AP5Z1: variants seen among roughly 807,000 people sequenced by gnomAD.
The protein encoded by AP5Z1 is AP-5 complex subunit zeta-1.
AP5Z1 carries 106 observed loss-of-function variants against 83.0 expected under a neutral mutation model. That is an observed-to-expected ratio of 1.28 (90% CI 1.09 to 1.50). The LOEUF (loss-of-function observed/expected upper bound fraction) is 1.50, where lower values mean the gene tolerates loss of function less well. Ranked by LOEUF, AP5Z1 falls within the 40% of genes most tolerant of loss-of-function variation. The pLI is 0.00. For synonymous variants in AP5Z1, 751 were observed against 514.1 expected (o/e 1.46, Z -6.23); for missense variants, 1,565 against 1,094.2 (o/e 1.43, Z -6.07).
intron 13 of AP5Z1, among the ~76,000 whole-genome samples, chr7:4,789,438 C>T (rs907518926): frequency 1.2e-4 from 18 of 152,354 alleles, no homozygotes; most frequent in Non-Finnish European, 8.8e-5. Flanking sequence ...TGGTGCCCCC[C>T]ATCTCCCCCA....
rs750548587 is a variant in AP5Z1, at chr7:4,791,163, C to A, written c.2202C>A (p.Ala734=). ...TGAGGACCCTGGCTCACAGTCCAGC[C>A]ACCAGCTCCACGCACAGCGAGGAGG... The part of the protein sequence containing the change: ...SKMRTLAHSP[A]TSSTHSEEGA... The change falls in exon 17 of 17, where the codon GCC becomes GCA. Residue 734 remains alanine, a synonymous_variant. Coordinates refer to ENST00000649063, the MANE Select transcript of AP5Z1 (RefSeq NM_014855.3). The A allele has an allele frequency of 3.8e-5, 61 of 1,609,818 alleles. No homozygotes were observed. The Admixed American group carries it at 1.0e-3, about 27-fold the overall frequency.
At chr7:4,782,748 C>G (rs1344581321) in intron 3 of AP5Z1, among the ~76,000 whole-genome samples, 1 of 151,784 alleles carries the variant, frequency 6.6e-6, no homozygotes, top group East Asian at 1.9e-4. Flanking sequence ...TCCGGCTCTT[C>G]TTGTTTGTTT....
At position 4,787,709 on chromosome 7, in the gene AP5Z1, G is replaced by A; in HGVS notation, c.1387G>A (p.Ala463Thr). ...LLPALVDAGT[A>T]LEMLHALLDL... ...CCCGGCCCTGGTGGACGCTGGCACA[G>A]CCCTGGAGATGCTGCACGCGCTGCT... is the stretch of plus-strand genomic sequence containing the variant. Residue 463 changes from alanine to threonine, a missense_variant, in exon 11 of 17, where the codon GCC (alanine) becomes ACC (threonine). Transcript: ENST00000649063. 2.6e-6 allele frequency: 4 copies of A among 1,551,312 alleles called. No individual in the cohort carries two copies. The highest frequency in any genetic ancestry group is 3.5e-6 in the Non-Finnish European group (4 of 1,148,992).
In AP5Z1 at chr7:4,784,346, C is replaced by A; in HGVS notation, c.765C>A (p.Pro255=). 1 of 1,590,758 alleles carries A rather than the reference C, an allele frequency of 6.3e-7. No homozygotes were observed. The highest frequency in any genetic ancestry group is 8.5e-7 in the Non-Finnish European group (1 of 1,170,102). Residue 255 remains proline, a synonymous_variant, in exon 6 of 17, where the codon CCC becomes CCA. Transcript: ENST00000649063. Reference sequence around the variant, plus strand: ...GGGCGTGGCTGCTGCACAGCGGCCCCGAGGGCCCGGGCACCCTGGACACAG... The same window carrying A: ...GGGCGTGGCTGCTGCACAGCGGCCCAGAGGGCCCGGGCACCCTGGACACAG... ...MLRAWLLHSG[P]EGPGTLDTDD... is the part of the protein sequence containing the mutation.
In AP5Z1 at chr7:4,791,595, CACTGA is replaced by C; in HGVS notation, c.*211_*215del. 1 of 723,686 alleles carries C rather than the reference CACTGA, an allele frequency of 1.4e-6. No individual in the cohort carries two copies. The highest frequency in any genetic ancestry group is 2.2e-6 in the Non-Finnish European group (1 of 453,548). 44.8% of individuals were successfully genotyped at this position (723,686 alleles called of 1,614,324 possible). A position where few individuals can be genotyped will look rare whatever the true frequency, so the allele number is the denominator to read the frequency against. Reference sequence around the variant, plus strand: ...CTCCGAGCCTTTTGCTCCCAGGCAACACTGAGCTGAGCTGAGGGGTGCCATGGAGC... The same window carrying C: ...CTCCGAGCCTTTTGCTCCCAGGCAACGCTGAGCTGAGGGGTGCCATGGAGC... On this transcript the variant is annotated 3_prime_UTR_variant, in exon 17 of 17. Coordinates refer to ENST00000649063, the MANE Select transcript of AP5Z1 (RefSeq NM_014855.3).
At chr7:4,780,255 G>A (rs1781343207) in intron 1 of AP5Z1, among the ~76,000 whole-genome samples, 1 of 152,178 alleles carries the variant, frequency 6.6e-6, no homozygotes, top group Admixed American at 6.5e-5. Context: ...AAGCCAATTA[G>A]TTATTCGAGT....
rs1172791533 is a variant in AP5Z1 at position 4,792,324 on chromosome 7, C to T, written c.*939C>T. On this transcript the variant is annotated 3_prime_UTR_variant, in exon 17 of 17. Transcript: ENST00000649063. ...AAACTCTTCCCCCTCCCCACTCTGG[C>T]TCCGCCCCCGGTCTCCTCTTTTGCT... is the stretch of plus-strand genomic sequence containing the variant. 2 of 151,742 alleles carry T rather than the reference C, an allele frequency of 1.3e-5. No individual in the cohort carries two copies. Among genetic ancestry groups the T allele is most frequent in the East Asian group, 1.9e-4 (1 of 5,166 alleles). The allele number at this position is 151,742 out of a possible 1,614,324, so 9.4% of individuals were successfully genotyped here. A position where few individuals can be genotyped will look rare whatever the true frequency, so the allele number is the denominator to read the frequency against.
chr7:4,789,359 G>T (rs1781669843), intron 13 of AP5Z1, among the ~76,000 whole-genome samples: 2 of 152,164 alleles, frequency 1.3e-5, no homozygotes, highest in Admixed American at 6.5e-5. Flanking sequence ...GGCCGGAGCA[G>T]TTTGTCCCCC....
chr7:4,792,044 G>A lies in AP5Z1; in HGVS notation c.*659G>A, dbSNP rs140612456. On this transcript the variant is annotated 3_prime_UTR_variant, in exon 17 of 17. Transcript: ENST00000649063. Reference sequence around the variant, plus strand: ...GAGGGTTGCAAGCGCCATGGCCTATGCAGGCTGCGGCCTCTGGCCATTCGG... The same window carrying A: ...GAGGGTTGCAAGCGCCATGGCCTATACAGGCTGCGGCCTCTGGCCATTCGG... The A allele has an allele frequency of 0.037, 5,717 of 152,500 alleles. 161 individuals are homozygous for A. The highest frequency in any genetic ancestry group is 0.057 in the Non-Finnish European group (3,876 of 68,172). 9.4% of individuals were successfully genotyped at this position (152,500 alleles called of 1,614,324 possible). A position where few individuals can be genotyped will look rare whatever the true frequency, so the allele number is the denominator to read the frequency against.
rs986640228 is a variant in AP5Z1 at position 4,784,270 on chromosome 7, A to G, written c.689A>G (p.His230Arg). ...TDFFTVLSSG[H>R]RFTDDQWLNV... is the part of the protein sequence containing the mutation. The stretch of plus-strand genomic sequence containing the variant: ...TTCTTCACGGTGCTCTCCAGCGGCC[A>G]CCGCTTCACAGACGACCAGTGGCTG... The change falls in exon 6 of 17, where the codon CAC (histidine) becomes CGC (arginine). Residue 230 changes from histidine to arginine, a missense_variant. His to Arg is a conservative substitution (Grantham distance 29). Coordinates refer to ENST00000649063, the MANE Select transcript of AP5Z1 (RefSeq NM_014855.3). 3 of 1,540,178 alleles carry G rather than the reference A, an allele frequency of 1.9e-6. No homozygotes were observed. The highest frequency in any genetic ancestry group is 2.8e-5 in the African/African-American group (2 of 72,030).
rs1335674612 is a variant in AP5Z1 at position 4,781,692 on chromosome 7, G to C, written c.304G>C (p.Ala102Pro). ...GTCCCCCTCTGACAGCCTCAGCCTG[G>C]CCTGGGACCACACGCAGAACAGCCG... ...EMSPSDSLSL[A>P]WDHTQNSRQL... Residue 102 changes from alanine to proline, a missense_variant, in exon 3 of 17, where the codon GCC (alanine) becomes CCC (proline). Ala to Pro is a conservative substitution (Grantham distance 27, BLOSUM62 -1). Coordinates refer to ENST00000649063, the MANE Select transcript of AP5Z1 (RefSeq NM_014855.3). The C allele has an allele frequency of 6.3e-7, 1 of 1,592,182 alleles. No homozygotes were observed. The highest frequency in any genetic ancestry group is 8.6e-7 in the Non-Finnish European group (1 of 1,162,948).
At position 4,781,664 on chromosome 7, in the gene AP5Z1, G is replaced by T. The variant is rs1244936471; in HGVS notation, c.276G>T (p.Glu92Asp). The T allele has an allele frequency of 6.2e-7, 1 of 1,604,998 alleles. No homozygotes were observed. Among genetic ancestry groups the T allele is most frequent in the Non-Finnish European group, 8.5e-7 (1 of 1,173,428 alleles). The change falls in exon 3 of 17, where the codon GAG (glutamate) becomes GAT (aspartate). Residue 92 changes from glutamate (E) to aspartate (D), a missense_variant. Coordinates refer to ENST00000649063, the MANE Select transcript of AP5Z1 (RefSeq NM_014855.3). ...LQVLCAAILR[E>D]MSPSDSLSLA... is the part of the protein sequence containing the mutation. ...TGCTTTGCGCCGCCATCCTGCGAGA[G>T]ATGTCCCCCTCTGACAGCCTCAGCC...
intron 5 of AP5Z1, 124 bp from the exon 6 acceptor site, chr7:4,784,079 C>A: frequency 1.7e-6 from 2 of 1,203,340 alleles, no homozygotes; most frequent in East Asian, 2.6e-5. Context: ...TCACACAGGG[C>A]GGGCCGCTGC....
In AP5Z1 at chr7:4,783,320, A is replaced by G. The variant is rs769585477; in HGVS notation, c.371A>G (p.Asp124Gly). 2 of 1,606,774 alleles carry G rather than the reference A, an allele frequency of 1.2e-6. No individual in the cohort carries two copies. Among genetic ancestry groups the G allele is most frequent in the East Asian group, 2.2e-5 (1 of 44,592 alleles). ...TTTGCCCTGTTTGATTTGAAGGGTG[A>G]CAGAAACGAGGAGGTCAGAGCCGTG... Reference protein sequence around the residue: ...LVASVLLAQGDRNEEVRAVGQ... With the variant: ...LVASVLLAQGGRNEEVRAVGQ... The change falls in exon 4 of 17, where the codon GAC (aspartate) becomes GGC (glycine). Residue 124 changes from aspartate to glycine, a missense_variant. Asp to Gly is a moderately conservative substitution (Grantham distance 94, BLOSUM62 -1). Transcript: ENST00000649063.
intron 11 of AP5Z1, 65 bp downstream of exon 11, chr7:4,787,841 C>G (rs1230910626): frequency 8.2e-6 from 12 of 1,471,494 alleles, no homozygotes; most frequent in Non-Finnish European, 1.1e-5. Context: ...ACTGGGCCCC[C>G]TCCTCGCTGC....
chr7:4,783,976 G>A (rs1781458311), intron 5 of AP5Z1, among the ~76,000 whole-genome samples, 178 bp downstream of exon 5: 1 of 152,074 alleles, frequency 6.6e-6, no homozygotes, highest in South Asian at 2.1e-4. Context: ...GTGTGGCTCT[G>A]GGGGTCTGTG....
At chr7:4,789,126 T>C in intron 13 of AP5Z1, 175 bp downstream of exon 13, 1 of 585,510 alleles carries the variant, frequency 1.7e-6, no homozygotes, top group African/African-American at 1.9e-5. Context: ...GCAGGCCCCG[T>C]CCCTTGTCCC....
chr7:4,783,912 G>A (rs1026334879), intron 5 of AP5Z1, 114 bp downstream of exon 5: 31 of 1,166,656 alleles, frequency 2.7e-5, no homozygotes, highest in African/African-American at 1.1e-4. Context: ...GGTCCAGGAC[G>A]AGCCTGCCTC....
Position 4,786,359 on chromosome 7 carries a change from C to T in AP5Z1, c.1242C>T (p.Cys414=), listed in dbSNP as rs1781543723. The change falls in exon 10 of 17, where the codon TGC becomes TGT. Residue 414 remains cysteine, a synonymous_variant. Coordinates refer to ENST00000649063, the MANE Select transcript of AP5Z1 (RefSeq NM_014855.3). ...TGGCCTTTGAATTCATCCAGTTCTGCAGGGACAACCTCCACCTGTTCAGCG... is the reference window on the plus strand; with the variant it reads ...TGGCCTTTGAATTCATCCAGTTCTGTAGGGACAACCTCCACCTGTTCAGCG... ...PMLAFEFIQF[C]RDNLHLFSGH... The T allele has an allele frequency of 2.5e-6, 4 of 1,613,848 alleles. No individual in the cohort carries two copies. The highest frequency in any genetic ancestry group is 1.3e-5 in the African/African-American group (1 of 74,940).
Sources: allele counts gnomAD v4.1 joint callset (sites outside exome capture counted in the v4.1 genomes callset), GRCh38; gene constraint gnomAD v4.1.1; transcripts MANE v1.5; gene names NCBI Gene and HGNC (gene_info 2026-07-23, HGNC 2026-07-21).